Variants in TG observed in about 807,000 individuals in gnomAD.
The protein encoded by TG is thyroid hormones.
In TG, 270 loss-of-function variants were observed where a neutral mutation model predicts 324.7. That is an observed-to-expected ratio of 0.83 (90% CI 0.75 to 0.92). The LOEUF is 0.92. TG is among the 40% of genes least tolerant of loss of function. TG has a pLI of 0.00. For synonymous variants in TG, 1,401 were observed against 1,327.0 expected (o/e 1.06, Z -1.21); for missense variants, 3,591 against 3,456.4 (o/e 1.04, Z -0.98).
chr8:133,028,273 A>T (rs928831629), intron 40 of TG, among the ~76,000 whole-genome samples: 8 of 152,348 alleles, frequency 5.3e-5, no homozygotes, highest in African/African-American at 1.9e-4. Context: ...AAACAAACAC[A>T]TTCATCCTAA....
intron 8 of TG, among the ~76,000 whole-genome samples, chr8:132,885,562 G>A (rs902119061): frequency 6.6e-6 from 1 of 152,104 alleles, no homozygotes; most frequent in East Asian, 1.9e-4. Context: ...CTACTCCCAA[G>A]GAGGAATTAG....
At chr8:133,035,995 A>G (rs1318804822) in intron 41 of TG, among the ~76,000 whole-genome samples, 1 of 151,004 alleles carries the variant, frequency 6.6e-6, no homozygotes, top group African/African-American at 2.4e-5. Flanking sequence ...TCCTAAGCAC[A>G]CTCCCTCCTT....
chr8:133,022,875 A>G (rs938702479), intron 40 of TG, among the ~76,000 whole-genome samples: 10 of 152,228 alleles, frequency 6.6e-5, no homozygotes, highest in African/African-American at 2.4e-4. Context: ...GGACCCTCAG[A>G]CAAAACCTTT....
chr8:132,901,637 G>T, intron 16 of TG, 84 bp downstream of exon 16: 1 of 1,460,808 alleles, frequency 6.8e-7, no homozygotes, highest in South Asian at 1.3e-5. Flanking sequence ...GAGAAGCTGG[G>T]AAGGCAGGGG....
In TG at chr8:133,055,363, GCGCACA is replaced by G. The variant is rs1389657472; in HGVS notation, c.7239+25342_7239+25347del. 4.9e-3 allele frequency among the ~76,000 whole-genome samples: 156 copies of G among 32,010 alleles called. 1 individual carries two copies. The highest frequency in any genetic ancestry group is 0.015 in the East Asian group (32 of 2,132). The allele number at this position is 32,010 out of a possible 152,430, so 21.0% of individuals were successfully genotyped here. The stretch of plus-strand genomic sequence containing the variant: ...ATCTTCAGGACACACACACGCACGC[GCGCACA>G]CACACACACACACACACACACACAC... On this transcript the variant is annotated intron_variant, in intron 41 of 47. Coordinates refer to ENST00000220616, the MANE Select transcript of TG (RefSeq NM_003235.5).
In TG at chr8:133,113,527, G is replaced by C; in HGVS notation, c.7678G>C (p.Ala2560Pro). The change falls in exon 44 of 48, where the codon GCT becomes CCT. Residue 2560 changes from alanine to proline, a missense_variant. Coordinates refer to ENST00000220616, the MANE Select transcript of TG (RefSeq NM_003235.5). ...EDSDARVEAA[A>P]TWYYSLEHST... ...CTCAGATGCCCGCGTCGAGGCTGCTGCTACATGGTATTACTCTCTGGAGCA... is the reference window on the plus strand; with the variant it reads ...CTCAGATGCCCGCGTCGAGGCTGCTCCTACATGGTATTACTCTCTGGAGCA... 1 of 1,614,138 alleles carries C rather than the reference G, an allele frequency of 6.2e-7. No individual in the cohort carries two copies. The highest frequency in any genetic ancestry group is 8.5e-7 in the Non-Finnish European group (1 of 1,180,036).
rs935471167 is a variant in TG at position 133,069,642 on chromosome 8, T to A, written c.7240-25402T>A. Reference sequence around the variant, plus strand: ...AGTGCCTTGAGAGCAGCCAGCAGGTTTGTTTCTACTCTCGGCTGGGGCTCA... The same window carrying A: ...AGTGCCTTGAGAGCAGCCAGCAGGTATGTTTCTACTCTCGGCTGGGGCTCA... On this transcript the variant is annotated intron_variant, in intron 41 of 47. Transcript: ENST00000220616. Among the ~76,000 whole-genome samples, 12 of 152,232 alleles carry A rather than the reference T, an allele frequency of 7.9e-5. 1 individual carries two copies. In the East Asian group the frequency reaches 2.3e-3, roughly 29 times the overall value.
At chr8:132,931,191 C>T (rs1326143502) in intron 23 of TG, among the ~76,000 whole-genome samples, 4 of 152,220 alleles carry the variant, frequency 2.6e-5, no homozygotes, top group Admixed American at 6.5e-5. Flanking sequence ...ATGTATGTGT[C>T]TGTATCCTAA....
At chr8:132,954,477 G>C (rs747917195) in intron 27 of TG, among the ~76,000 whole-genome samples, 1 of 152,184 alleles carries the variant, frequency 6.6e-6, no homozygotes, top group Admixed American at 6.5e-5. Context: ...GGACTCTGAG[G>C]CCAGTTGTAC....
chr8:132,961,616 T>A (rs73710725), intron 28 of TG, among the ~76,000 whole-genome samples: 2,006 of 152,286 alleles, frequency 0.013, 52 homozygotes, highest in African/African-American at 0.046. Flanking sequence ...GTTGACCAAG[T>A]GCCTACTCAG....
chr8:132,952,014 C>T (rs983733809), intron 27 of TG, among the ~76,000 whole-genome samples: 2 of 152,294 alleles, frequency 1.3e-5, no homozygotes, highest in African/African-American at 4.8e-5. Context: ...ACTCCATCTC[C>T]ACTAAACTTG....
At chr8:132,995,766 C>T (rs759050560) in intron 35 of TG, among the ~76,000 whole-genome samples, 2 of 152,046 alleles carry the variant, frequency 1.3e-5, no homozygotes, top group African/African-American at 2.4e-5. Context: ...GAATTTTGCT[C>T]GTAATGAACT....
chr8:133,062,359 C>T lies in TG; in HGVS notation c.7239+32336C>T, dbSNP rs906434573. 6.6e-5 allele frequency among the ~76,000 whole-genome samples: 10 copies of T among 152,340 alleles called. No homozygotes were observed. The South Asian group carries it at 2.1e-3, about 32-fold the overall frequency. ...CATTGGCCTTGTCTCCATTCCTGAG[C>T]CTGGCGAAGGTACCCAAGAAATGTG... On this transcript the variant is annotated intron_variant, in intron 41 of 47. Coordinates refer to ENST00000220616, the MANE Select transcript of TG (RefSeq NM_003235.5).
chr8:132,970,430 T>C (rs1037920571), intron 32 of TG, among the ~76,000 whole-genome samples: 1 of 152,166 alleles, frequency 6.6e-6, no homozygotes, highest in African/African-American at 2.4e-5. Context: ...ACCTGCTGAA[T>C]CAGCATTTCC....
intron 35 of TG, among the ~76,000 whole-genome samples, chr8:133,000,592 G>A (rs926059724): frequency 2.6e-5 from 4 of 152,194 alleles, no homozygotes; most frequent in African/African-American, 9.6e-5. Context: ...AGGAGTGACC[G>A]GAAGAGTCAC....
chr8:133,084,394 A>T (rs1353416973), intron 41 of TG, among the ~76,000 whole-genome samples: 6 of 152,188 alleles, frequency 3.9e-5, no homozygotes, highest in African/African-American at 1.2e-4. Flanking sequence ...GTATGTATGA[A>T]GTACTCATTG....
At chr8:133,093,486 C>A (rs1408075537) in intron 41 of TG, among the ~76,000 whole-genome samples, 2 of 152,134 alleles carry the variant, frequency 1.3e-5, no homozygotes, top group African/African-American at 4.8e-5. Flanking sequence ...GACAGAAAAT[C>A]ACGTGTATCT....
chr8:133,131,784 T>G, intron 45 of TG, 28 bp from the exon 46 acceptor site: 1 of 1,613,876 alleles, frequency 6.2e-7, no homozygotes, highest in Non-Finnish European at 8.5e-7. Context: ...CTTGACCTTT[T>G]GCTGCTGCTT....
At chr8:133,132,188 G>A (rs542221994) in intron 46 of TG, among the ~76,000 whole-genome samples, 19 of 152,268 alleles carry the variant, frequency 1.2e-4, no homozygotes, top group African/African-American at 4.1e-4. Flanking sequence ...ACTCTAGATC[G>A]GGGTTTCTCA....
Sources: allele counts gnomAD v4.1 joint callset (sites outside exome capture counted in the v4.1 genomes callset), GRCh38; gene constraint gnomAD v4.1.1; transcripts MANE v1.5; gene names NCBI Gene and HGNC (gene_info 2026-07-23, HGNC 2026-07-21).